ARAP2: variants seen among roughly 807,000 people sequenced by gnomAD.
The protein encoded by ARAP2 is arf-GAP with Rho-GAP domain, ANK repeat and PH domain-containing protein 2.
Under a neutral mutation model 194.5 loss-of-function variants are expected in ARAP2, and 148 were observed. The observed-to-expected ratio is 0.76, with a 90% CI of 0.67 to 0.87. ARAP2 has a LOEUF of 0.87. ARAP2 is among the 40% of genes least tolerant of loss of function. ARAP2 has a pLI of 0.00. For missense variants in ARAP2, 2,128 were observed against 1,989.7 expected (o/e 1.07, Z -1.32); for synonymous variants, 695 against 683.5 (o/e 1.02, Z -0.26).
exon 7 of ARAP2, chr4:36,015,917 A>G (rs1026281825): frequency 1.3e-5 from 2 of 152,192 alleles, no homozygotes; most frequent in Admixed American, 1.3e-4. Context: ...ATAAATATGC[A>G]CATATCCTCC....
At chr4:36,115,298 A>C (rs1314305802) in intron 25 of ARAP2, among the ~76,000 whole-genome samples, 1 of 152,034 alleles carries the variant, frequency 6.6e-6, no homozygotes, top group African/African-American at 2.4e-5. Context: ...AGAAATATAA[A>C]CTTAAAAGAA....
intron 22 of ARAP2, 122 bp from the exon 23 acceptor site, chr4:36,121,448 G>C: frequency 1.2e-6 from 1 of 864,922 alleles, no homozygotes; most frequent in Non-Finnish European, 1.7e-6. Flanking sequence ...AAAAGATACA[G>C]TGGTGACTTA....
At chr4:36,022,849 G>T (rs567689747) in intron 5 of ARAP2, among the ~76,000 whole-genome samples, 2 of 152,292 alleles carry the variant, frequency 1.3e-5, no homozygotes, top group African/African-American at 2.4e-5. Flanking sequence ...TTTCAAGGTT[G>T]TAAAAAGAGA....
At position 36,160,568 on chromosome 4, in the gene ARAP2, T is replaced by C. The variant is rs747870799; in HGVS notation, c.2333A>G (p.His778Arg). 6 of 1,555,534 alleles carry C rather than the reference T, an allele frequency of 3.9e-6. No individual in the cohort carries two copies. Among genetic ancestry groups the C allele is most frequent in the East Asian group, 2.4e-5 (1 of 41,592 alleles). ...AGNLQKDEEL[H>R]MDSPVEKRKN... ...TCTCTTTTCTACTGGTGAGTCCATA[T>C]GTAATTCTTCATCCTTTTGAAGATT... Residue 778 changes from histidine to arginine, a missense_variant, in exon 13 of 33, where the codon CAT (histidine) becomes CGT (arginine). His to Arg is a conservative substitution (Grantham distance 29, BLOSUM62 0). Coordinates refer to ENST00000303965, the MANE Select transcript of ARAP2 (RefSeq NM_015230.4).
intron 28 of ARAP2, among the ~76,000 whole-genome samples, chr4:36,091,325 T>C (rs1713581668): frequency 3.3e-5 from 5 of 152,170 alleles, no homozygotes; most frequent in Admixed American, 3.3e-4. Context: ...ATCATTTATC[T>C]ACTCCCTCTT....
intron 6 of ARAP2, among the ~76,000 whole-genome samples, chr4:36,206,217 G>A (rs1342416141): frequency 6.6e-6 from 1 of 152,216 alleles, no homozygotes; most frequent in Non-Finnish European, 1.5e-5. Context: ...AACAGCATAA[G>A]CTCTGAACTC....
intron 6 of ARAP2, among the ~76,000 whole-genome samples, chr4:36,205,970 T>G (rs1395890005): frequency 6.6e-6 from 1 of 152,202 alleles, no homozygotes; most frequent in Non-Finnish European, 1.5e-5. Flanking sequence ...AAAACATACT[T>G]TTTATCAAGG....
chr4:36,212,671 A>AT (rs67460919), intron 4 of ARAP2, among the ~76,000 whole-genome samples, 184 bp from the exon 5 acceptor site: 129,907 of 150,856 alleles, frequency 0.86, 56,145 homozygotes, highest in East Asian at 0.94. Flanking sequence ...CAGACTTTTG[A>AT]TTTTTTTTTC....
intron 8 of ARAP2, among the ~76,000 whole-genome samples, chr4:36,185,310 A>T (rs1030210656): frequency 1.3e-5 from 2 of 152,230 alleles, no homozygotes; most frequent in Non-Finnish European, 1.5e-5. Flanking sequence ...GTACATAGAT[A>T]GGTTTCACAA....
chr4:36,114,400 G>A, intron 25 of ARAP2, 113 bp from the exon 26 acceptor site: 1 of 701,036 alleles, frequency 1.4e-6, no homozygotes. Context: ...TTTATTTTGA[G>A]CATGGTTAAA....
At chr4:36,194,444 ACTT>A (rs767052211) in intron 6 of ARAP2, among the ~76,000 whole-genome samples, 3 of 152,160 alleles carry the variant, frequency 2.0e-5, no homozygotes, top group African/African-American at 4.8e-5. Context: ...ACGAAAACGA[ACTT>A]CTTATTTTTT....
intron 27 of ARAP2, among the ~76,000 whole-genome samples, chr4:36,101,962 C>G (rs1717057968): frequency 7.3e-6 from 1 of 136,566 alleles, no homozygotes; most frequent in South Asian, 2.6e-4. Flanking sequence ...AAAATTACTC[C>G]TTTGACAATT....
intron 1 of ARAP2, among the ~76,000 whole-genome samples, chr4:36,238,448 C>T (rs929243731): frequency 6.6e-6 from 1 of 152,148 alleles, no homozygotes; most frequent in Non-Finnish European, 1.5e-5. Flanking sequence ...AGTCAGACTC[C>T]ACAACCTGTG....
chr4:36,063,130 G>T (rs573917665), downstream of ARAP2, among the ~76,000 whole-genome samples: 5 of 152,226 alleles, frequency 3.3e-5, no homozygotes, highest in East Asian at 9.6e-4. Flanking sequence ...AAAATTCAAA[G>T]AAAACAGTCA....
chr4:36,231,956 T>C (rs1251290088), intron 1 of ARAP2, among the ~76,000 whole-genome samples: 1 of 152,150 alleles, frequency 6.6e-6, no homozygotes, highest in African/African-American at 2.4e-5. Context: ...GAAAGGACCT[T>C]GATAAGATAG....
chr4:36,165,962 T>C (rs1735195293), intron 10 of ARAP2, among the ~76,000 whole-genome samples: 1 of 152,208 alleles, frequency 6.6e-6, no homozygotes, highest in Non-Finnish European at 1.5e-5. Flanking sequence ...ATTATACTTT[T>C]TGAAGCTCTT....
rs148823567 is a variant in ARAP2 at position 36,127,081 on chromosome 4, C to CT, written c.3640+1451dup. 5.3e-3 allele frequency among the ~76,000 whole-genome samples: 808 copies of CT among 152,190 alleles called. 11 individuals carry two copies. Among genetic ancestry groups the CT allele is most frequent in the African/African-American group, 0.018 (761 of 41,558 alleles). On this transcript the variant is annotated intron_variant, in intron 21 of 32. Coordinates refer to ENST00000303965, the MANE Select transcript of ARAP2 (RefSeq NM_015230.4). ...AAACTCCCGGCCTCAAGCTATCCTC[C>CT]TGCCTTGGCCTCCCAAAATGCTGGG...
At chr4:36,023,012 C>T (rs1645422115) in intron 5 of ARAP2, among the ~76,000 whole-genome samples, 1 of 152,144 alleles carries the variant, frequency 6.6e-6, no homozygotes, top group Admixed American at 6.6e-5. Flanking sequence ...ATCATAAAGT[C>T]CCATGCAGTG....
intron 2 of ARAP2, among the ~76,000 whole-genome samples, chr4:36,225,315 C>T (rs1045566823): frequency 3.3e-5 from 5 of 152,108 alleles, no homozygotes; most frequent in Non-Finnish European, 4.4e-5. Context: ...ATCACTAAAG[C>T]GAGGAGGAAA....
Sources: allele counts gnomAD v4.1 joint callset (sites outside exome capture counted in the v4.1 genomes callset), GRCh38; gene constraint gnomAD v4.1.1; transcripts MANE v1.5; gene names NCBI Gene and HGNC (gene_info 2026-07-23, HGNC 2026-07-21).